Variants in LINGO2 observed in about 807,000 individuals in gnomAD.
The protein encoded by LINGO2 is leucine rich repeat and Ig domain containing 2.
In LINGO2, 14 loss-of-function variants were observed where a neutral mutation model predicts 30.6. That is an observed-to-expected ratio of 0.46 (90% CI 0.30 to 0.72). The LOEUF (loss-of-function observed/expected upper bound fraction) is 0.72, where lower values mean the gene tolerates loss of function less well. Among genes scored for constraint, LINGO2 ranks in the 30% least tolerant of loss-of-function variants. The pLI is 0.07. For missense variants in LINGO2, 729 were observed against 751.7 expected, an observed-to-expected ratio of 0.97 and a Z score of 0.35; for synonymous variants, 317 against 288.5, an observed-to-expected ratio of 1.10 and a Z score of -1.00.
At chr9:28,971,954 G>C in the LINGO2 span, among the ~76,000 whole-genome samples, 4 of 152,214 alleles carry the variant, frequency 2.6e-5, no homozygotes, top group Admixed American at 2.6e-4. Context: ...ACCAGAGAGA[G>C]AGACTGTTTG....
chr9:28,905,437 CAACTT>C, the LINGO2 span, among the ~76,000 whole-genome samples: 3 of 151,700 alleles, frequency 2.0e-5, no homozygotes, highest in Admixed American at 2.0e-4. Flanking sequence ...AAACTTCAAA[CAACTT>C]AATAGCAAGA....
the LINGO2 span, among the ~76,000 whole-genome samples, chr9:28,876,924 C>T: frequency 6.6e-6 from 1 of 152,100 alleles, no homozygotes; most frequent in Admixed American, 6.6e-5. Context: ...TGTTTCCTGA[C>T]TTTTTAATGA....
At chr9:28,951,247 G>A in the LINGO2 span, among the ~76,000 whole-genome samples, 1 of 151,916 alleles carries the variant, frequency 6.6e-6, no homozygotes, top group Non-Finnish European at 1.5e-5. Context: ...AACTCTAGAT[G>A]GATTAAAGAC....
At chr9:28,812,363 G>A in the LINGO2 span, among the ~76,000 whole-genome samples, 4 of 151,992 alleles carry the variant, frequency 2.6e-5, no homozygotes, top group African/African-American at 9.7e-5. Context: ...TTTTAAAAAT[G>A]AAATGTAAAT....
the LINGO2 span, among the ~76,000 whole-genome samples, chr9:29,006,780 T>A: frequency 6.6e-6 from 1 of 152,022 alleles, no homozygotes; most frequent in Non-Finnish European, 1.5e-5. Context: ...AGTCAGATAC[T>A]CTAAATCAAA....
the LINGO2 span, among the ~76,000 whole-genome samples, chr9:29,161,998 C>T: frequency 6.6e-6 from 1 of 151,546 alleles, no homozygotes; most frequent in Non-Finnish European, 1.5e-5. Context: ...CGGCTTACTA[C>T]AACCTCTGCC....
intron 1 of LINGO2, among the ~76,000 whole-genome samples, chr9:28,630,854 A>C (rs902788423): frequency 2.6e-5 from 4 of 151,858 alleles, no homozygotes; most frequent in Admixed American, 2.6e-4. Context: ...CTCAGAATCA[A>C]AACAGCCTCT....
rs534628171 is a variant in LINGO2, at chr9:28,250,731, C to G, written c.-87+44477G>C. ...ACAAAGCAGGATCTGGACTTTTTAT[C>G]CCATGCCAGCCACAGGGACAGCTTG... On this transcript the variant is annotated intron_variant, in intron 4 of 5. Transcript: ENST00000379992. Among the ~76,000 whole-genome samples, 11 of 152,278 alleles carry G rather than the reference C, an allele frequency of 7.2e-5. No individual in the cohort carries two copies. In the South Asian group the frequency reaches 2.1e-3, roughly 29 times the overall value.
the LINGO2 span, among the ~76,000 whole-genome samples, chr9:28,885,197 T>C: frequency 6.8e-6 from 1 of 147,630 alleles, no homozygotes. Context: ...AGACCCTGCA[T>C]TGTCCCTAAT....
At chr9:28,546,437 G>A (rs185716983) in intron 1 of LINGO2, among the ~76,000 whole-genome samples, 1 of 152,082 alleles carries the variant, frequency 6.6e-6, no homozygotes, top group Non-Finnish European at 1.5e-5. Context: ...GTAATAGACT[G>A]AGTGAGGGAA....
At chr9:27,948,589 G>T in exon 6 of LINGO2, 1 of 397,224 alleles carries the variant, frequency 2.5e-6, no homozygotes, top group East Asian at 4.0e-5. Flanking sequence ...CAAATATTCA[G>T]GTTCATTACT....
At chr9:28,847,724 T>C in the LINGO2 span, among the ~76,000 whole-genome samples, 3 of 134,490 alleles carry the variant, frequency 2.2e-5, no homozygotes. Flanking sequence ...CCCTAATATA[T>C]AGTGTCTGTG....
intron 3 of LINGO2, among the ~76,000 whole-genome samples, chr9:28,356,385 A>C (rs1057041790): frequency 2.0e-5 from 3 of 152,098 alleles, no homozygotes; most frequent in African/African-American, 7.2e-5. Flanking sequence ...CAATCCTCCA[A>C]ACTCACTTAT....
chr9:28,949,122 A>C, the LINGO2 span, among the ~76,000 whole-genome samples: 2 of 152,104 alleles, frequency 1.3e-5, no homozygotes, highest in African/African-American at 4.8e-5. Flanking sequence ...TTAGAGGGAA[A>C]TTTATAGCAT....
the LINGO2 span, among the ~76,000 whole-genome samples, chr9:29,077,369 C>G: frequency 6.6e-6 from 1 of 151,978 alleles, no homozygotes; most frequent in Non-Finnish European, 1.5e-5. Context: ...ATGCAAGGTA[C>G]TACTTCTCAG....
chr9:28,554,463 T>C (rs1318781388), intron 1 of LINGO2, among the ~76,000 whole-genome samples: 1 of 145,502 alleles, frequency 6.9e-6, no homozygotes, highest in African/African-American at 2.6e-5. Flanking sequence ...CCTAAATATA[T>C]ATGCACCCAA....
the LINGO2 span, among the ~76,000 whole-genome samples, chr9:29,120,298 A>T: frequency 0.19 from 29,103 of 152,088 alleles, 2,964 homozygotes; most frequent in East Asian, 0.37. Context: ...AATACAACAC[A>T]CATATACACA....
intron 2 of LINGO2, among the ~76,000 whole-genome samples, chr9:28,377,310 T>C (rs1014810734): frequency 7.2e-5 from 11 of 152,188 alleles, no homozygotes; most frequent in African/African-American, 2.4e-4. Context: ...AAGACCTTTA[T>C]GATGGTCCAG....
intron 2 of LINGO2, among the ~76,000 whole-genome samples, chr9:28,417,159 G>C (rs1261238004): frequency 1.7e-4 from 26 of 152,132 alleles, no homozygotes; most frequent in Admixed American, 1.7e-3. Context: ...TGGGGAAATG[G>C]TTAGTCTGTG....
Sources: gnomAD v4.1 joint callset for allele counts (sites outside exome capture counted in the v4.1 genomes callset) on GRCh38, gnomAD v4.1.1 for gene constraint, MANE v1.5 for transcripts, NCBI Gene and HGNC (gene_info 2026-07-23, HGNC 2026-07-21) for gene names.